PROM1: variants seen among roughly 807,000 people sequenced by gnomAD.
PROM1 encodes the protein prominin-1.
PROM1 carries 105 observed loss-of-function variants against 116.9 expected under a neutral mutation model. The observed-to-expected ratio is 0.90, with a 90% CI of 0.77 to 1.06. The LOEUF is 1.06. PROM1 is among the 50% of genes least tolerant of loss of function. The pLI is 0.00. For missense variants in PROM1, 1,122 were observed against 1,045.2 expected, an observed-to-expected ratio of 1.07 and a Z score of -1.01; for synonymous variants, 393 against 387.0, an observed-to-expected ratio of 1.02 and a Z score of -0.18.
intron 15 of PROM1, among the ~76,000 whole-genome samples, chr4:15,994,465 G>A (rs1051463927): frequency 2.0e-5 from 3 of 152,200 alleles, no homozygotes; most frequent in African/African-American, 7.2e-5. Context: ...ATTCTATGAA[G>A]CTCCTGCCAA....
chr4:16,006,533 C>A lies in PROM1; in HGVS notation c.1454+5G>T. 6.3e-7 allele frequency: 1 copy of A among 1,583,200 alleles called. No homozygotes were observed. The highest frequency in any genetic ancestry group is 8.6e-7 in the Non-Finnish European group (1 of 1,165,446). ...CCCACATGACAGAGAGGAGCAGACA[C>A]TCACACCATGAGGAAGACGCCTCCG... On this transcript the variant is annotated splice_donor_5th_base_variant and intron_variant, in intron 13 of 27. Transcript: ENST00000447510.
At chr4:16,050,023 G>A (rs959043474) in intron 2 of PROM1, among the ~76,000 whole-genome samples, 9 of 152,062 alleles carry the variant, frequency 5.9e-5, no homozygotes, top group Non-Finnish European at 1.0e-4. Context: ...AGCACTTTGA[G>A]AGGCCAAGGT....
Position 16,070,658 on chromosome 4 carries a change from C to A in PROM1, c.220+5029G>T, listed in dbSNP as rs111475469. ...GAACTGCAGAAAAGAACAAAGAAAC[C>A]AAGAAAACAAGAGCCTGTCAGATGT... On this transcript the variant is annotated intron_variant, in intron 2 of 27. Coordinates refer to ENST00000447510, the MANE Select transcript of PROM1 (RefSeq NM_006017.3). Among the ~76,000 whole-genome samples, 499 of 152,212 alleles carry A rather than the reference C, an allele frequency of 3.3e-3. 2 individuals carry two copies. The highest frequency in any genetic ancestry group is 8.4e-3 in the African/African-American group (347 of 41,526).
intron 15 of PROM1, among the ~76,000 whole-genome samples, chr4:15,994,327 T>C (rs1382629840): frequency 6.6e-6 from 1 of 152,250 alleles, no homozygotes; most frequent in Non-Finnish European, 1.5e-5. Flanking sequence ...ATCTGTCTCC[T>C]ACATGCTCTA....
At chr4:15,982,797 A>C (rs1718306693) in intron 23 of PROM1, among the ~76,000 whole-genome samples, 1 of 152,180 alleles carries the variant, frequency 6.6e-6, no homozygotes, top group Admixed American at 6.5e-5. Flanking sequence ...CAGGACAAGA[A>C]AAGTAGTTGC....
intron 27 of PROM1, 42 bp from the exon 28 acceptor site, chr4:15,969,410 A>G (rs990138683): frequency 5.9e-5 from 9 of 152,190 alleles, no homozygotes; most frequent in Admixed American, 5.9e-4. Flanking sequence ...TTGCTTTTGA[A>G]TTAATAAAGA....
At chr4:15,973,665 T>C (rs1423092749) in intron 26 of PROM1, among the ~76,000 whole-genome samples, 2 of 152,186 alleles carry the variant, frequency 1.3e-5, no homozygotes, top group African/African-American at 2.4e-5. Flanking sequence ...TCTTATTTGT[T>C]CCCCTTTCTG....
intron 2 of PROM1, among the ~76,000 whole-genome samples, chr4:16,049,587 C>T (rs1393189128): frequency 6.6e-6 from 1 of 152,052 alleles, no homozygotes; most frequent in Non-Finnish European, 1.5e-5. Flanking sequence ...CAGATCTCAC[C>T]ATATTCTTAT....
chr4:16,075,589 T>C, intron 2 of PROM1, 98 bp downstream of exon 2: 1 of 1,201,886 alleles, frequency 8.3e-7, no homozygotes, highest in Non-Finnish European at 1.2e-6. Context: ...ATCGCTAAAA[T>C]ACTGAATATA....
intron 22 of PROM1, among the ~76,000 whole-genome samples, chr4:15,985,203 G>A (rs964714411): frequency 1.3e-5 from 2 of 152,116 alleles, no homozygotes; most frequent in African/African-American, 4.8e-5. Flanking sequence ...GTAATCTAGA[G>A]AGATTTAAAG....
Position 16,009,934 on chromosome 4 carries a change from C to CA in PROM1, c.1142-827dup, listed in dbSNP as rs4065768. Among the ~76,000 whole-genome samples, 644 of 75,062 alleles carry CA rather than the reference C, an allele frequency of 8.6e-3. 10 individuals carry two copies. The highest frequency in any genetic ancestry group is 0.031 in the South Asian group (63 of 2,038). The allele number at this position is 75,062 out of a possible 152,430, so 49.2% of individuals were successfully genotyped here. ...TGGGTGACATAGCAAGACTCGCTCTCAAAAAAAAAAAAAAAAAAAAAAAGT... is the reference window on the plus strand; with the variant it reads ...TGGGTGACATAGCAAGACTCGCTCTCAAAAAAAAAAAAAAAAAAAAAAAAGT... On this transcript the variant is annotated intron_variant, in intron 11 of 27. Coordinates refer to ENST00000447510, the MANE Select transcript of PROM1 (RefSeq NM_006017.3).
intron 26 of PROM1, among the ~76,000 whole-genome samples, chr4:15,972,227 A>G (rs1181258716): frequency 6.6e-6 from 1 of 152,230 alleles, no homozygotes; most frequent in African/African-American, 2.4e-5. Flanking sequence ...GAAATGAGCA[A>G]AACAAGCCAA....
At chr4:16,041,781 A>AT (rs1735332453) in intron 2 of PROM1, among the ~76,000 whole-genome samples, 3 of 56,358 alleles carry the variant, frequency 5.3e-5, no homozygotes, top group Non-Finnish European at 7.7e-5. Flanking sequence ...TAAATAAATA[A>AT]ATAAATATAT....
At chr4:15,973,301 G>C (rs924202455) in intron 26 of PROM1, among the ~76,000 whole-genome samples, 2 of 152,160 alleles carry the variant, frequency 1.3e-5, no homozygotes, top group Non-Finnish European at 2.9e-5. Flanking sequence ...AGAAAAATTA[G>C]CTGAGCACGG....
At position 15,980,518 on chromosome 4, in the gene PROM1, A is replaced by G. The variant is rs200008077; in HGVS notation, c.2393T>C (p.Ile798Thr). ...AAGTAAAAATACAGTAGCTTTTCCTATGCCAAACCAAAACAAATTCTAGGA... is the reference window on the plus strand; with the variant it reads ...AAGTAAAAATACAGTAGCTTTTCCTGTGCCAAACCAAAACAAATTCTAGGA... Reference protein sequence around the residue: ...IDPLNLFWFGIGKATVFLLPA... With the variant: ...IDPLNLFWFGTGKATVFLLPA... Residue 798 changes from isoleucine (I) to threonine (T), a missense_variant, in exon 24 of 28, where the codon ATA becomes ACA. Physicochemically the swap from Ile to Thr is moderately conservative, Grantham distance 89. Coordinates refer to ENST00000447510, the MANE Select transcript of PROM1 (RefSeq NM_006017.3). The G allele has an allele frequency of 9.7e-6, 15 of 1,544,930 alleles. No individual in the cohort carries two copies. The East Asian group carries it at 3.7e-4, about 38-fold the overall frequency.
At chr4:16,025,613 A>G (rs1241308311) in intron 5 of PROM1, among the ~76,000 whole-genome samples, 1 of 152,214 alleles carries the variant, frequency 6.6e-6, no homozygotes, top group East Asian at 1.9e-4. Context: ...AGGTGCAAAA[A>G]GGTTATAAGG....
intron 3 of PROM1, among the ~76,000 whole-genome samples, chr4:16,037,416 T>C (rs1734182692): frequency 6.6e-6 from 1 of 152,194 alleles, no homozygotes; most frequent in African/African-American, 2.4e-5. Context: ...TTGCTGAATG[T>C]AAACAGCCTC....
chr4:16,018,185 C>G (rs1198050726), intron 9 of PROM1, 138 bp downstream of exon 9: 1 of 750,164 alleles, frequency 1.3e-6, no homozygotes, highest in Non-Finnish European at 2.2e-6. Flanking sequence ...TCAAATGACT[C>G]AAGAAGGCTG....
At chr4:15,973,520 G>C (rs1285381124) in intron 26 of PROM1, among the ~76,000 whole-genome samples, 2 of 152,174 alleles carry the variant, frequency 1.3e-5, no homozygotes, top group East Asian at 3.9e-4. Flanking sequence ...TAGCAAGAAG[G>C]TGGTTCACAG....
Sources: gnomAD v4.1 joint callset for allele counts (sites outside exome capture counted in the v4.1 genomes callset) on GRCh38, gnomAD v4.1.1 for gene constraint, MANE v1.5 for transcripts, NCBI Gene and HGNC (gene_info 2026-07-23, HGNC 2026-07-21) for gene names.